Variants in PSD3 observed in about 807,000 individuals in gnomAD.
PSD3 encodes the protein pleckstrin and Sec7 domain containing 3, also known as PH and SEC7 domain-containing protein 3.
A neutral mutation model predicts 105.5 loss-of-function variants in PSD3; 49 were observed. That is an observed-to-expected ratio of 0.46 (90% CI 0.37 to 0.59). PSD3 has a LOEUF of 0.59. PSD3 is among the 20% of genes least tolerant of loss of function. The pLI is 0.00. For synonymous variants in PSD3, 557 were observed against 457.8 expected, an observed-to-expected ratio of 1.22 and a Z score of -2.77; for missense variants, 1,561 against 1,263.8, an observed-to-expected ratio of 1.24 and a Z score of -3.57.
chr8:18,875,412 G>T (rs1330226386), intron 2 of PSD3, among the ~76,000 whole-genome samples: 3 of 151,500 alleles, frequency 2.0e-5, no homozygotes, highest in Non-Finnish European at 4.4e-5. Context: ...TCCTAGGGTG[G>T]AATATTGATA....
intron 9 of PSD3, among the ~76,000 whole-genome samples, chr8:18,697,003 G>A (rs1028463473): frequency 2.5e-5 from 3 of 118,552 alleles, no homozygotes; most frequent in African/African-American, 6.4e-5. Context: ...GCCACTTTGC[G>A]GGGACAACGT....
At chr8:18,940,012 G>A (rs1266043668) in intron 1 of PSD3, 1 of 152,122 alleles carries the variant, frequency 6.6e-6, no homozygotes. Context: ...TATTTCTCAA[G>A]GTTGCTCATG....
intron 9 of PSD3, among the ~76,000 whole-genome samples, chr8:18,740,361 TCTC>T (rs927087067): frequency 7.9e-5 from 12 of 152,112 alleles, no homozygotes; most frequent in African/African-American, 2.4e-4. Context: ...CCACTTCACT[TCTC>T]CTCAATTCTG....
intron 9 of PSD3, among the ~76,000 whole-genome samples, chr8:18,691,287 T>A (rs369292073): frequency 1.7e-4 from 26 of 152,216 alleles, no homozygotes; most frequent in African/African-American, 5.3e-4. Flanking sequence ...TCATGTAAGA[T>A]GTTTTAGACC....
intron 2 of PSD3, among the ~76,000 whole-genome samples, chr8:18,899,761 T>C (rs1421574157): frequency 6.6e-6 from 1 of 152,144 alleles, no homozygotes; most frequent in African/African-American, 2.4e-5. Context: ...GCAGAAGAGT[T>C]CTTGTTGTTC....
Position 18,673,994 on chromosome 8 carries a change from T to C in PSD3, c.2173-18309A>G, listed in dbSNP as rs148775507. ...CTATCTCTACAAAAAAATTAAAAAA[T>C]GAGCTGCGCATGGTGGTGTGTGCCT... On this transcript the variant is annotated intron_variant, in intron 9 of 15. Coordinates refer to ENST00000327040, the MANE Select transcript of PSD3 (RefSeq NM_015310.4). Among the ~76,000 whole-genome samples the C allele has an allele frequency of 5.9e-3, 896 of 152,082 alleles. 3 individuals carry two copies. Among genetic ancestry groups the C allele is most frequent in the Non-Finnish European group, 8.1e-3 (551 of 67,984 alleles).
intron 9 of PSD3, among the ~76,000 whole-genome samples, chr8:18,748,906 G>C (rs566966847): frequency 6.6e-6 from 1 of 152,252 alleles, no homozygotes; most frequent in African/African-American, 2.4e-5. Flanking sequence ...TTTTCCCAAA[G>C]GCCACATTCT....
chr8:18,698,987 C>T (rs1164032268), intron 9 of PSD3, among the ~76,000 whole-genome samples: 1 of 152,224 alleles, frequency 6.6e-6, no homozygotes, highest in South Asian at 2.1e-4. Flanking sequence ...AAAGATGAAA[C>T]CCCACTCAAC....
chr8:18,574,254 G>A (rs1019477010), intron 13 of PSD3, among the ~76,000 whole-genome samples: 2 of 152,112 alleles, frequency 1.3e-5, no homozygotes, highest in South Asian at 2.1e-4. Flanking sequence ...AGCTCCTCAC[G>A]GCACCCTCTC....
intron 13 of PSD3, 43 bp downstream of exon 13, chr8:18,575,085 G>A (rs1187920583): frequency 1.9e-6 from 3 of 1,591,436 alleles, no homozygotes; most frequent in South Asian, 1.1e-5. Context: ...GTAGTGCTAA[G>A]TGAACTAAAA....
chr8:18,669,083 C>T (rs1311101330), intron 9 of PSD3, among the ~76,000 whole-genome samples: 1 of 152,216 alleles, frequency 6.6e-6, no homozygotes, highest in East Asian at 1.9e-4. Flanking sequence ...AACTTGTCTA[C>T]TCCATCTCCC....
intron 8 of PSD3, among the ~76,000 whole-genome samples, chr8:18,766,071 T>C (rs1161539090): frequency 6.6e-6 from 1 of 152,004 alleles, no homozygotes. Context: ...TCCTGACTCA[T>C]GTCTGTAATC....
At chr8:18,874,821 G>T (rs765328631) in intron 2 of PSD3, among the ~76,000 whole-genome samples, 10 of 151,184 alleles carry the variant, frequency 6.6e-5, no homozygotes, top group Non-Finnish European at 1.3e-4. Context: ...TATTGCTATT[G>T]AACACACGGT....
chr8:19,014,417 A>G (rs2129475587), upstream of PSD3: 1 of 152,310 alleles, frequency 6.6e-6, no homozygotes, highest in South Asian at 2.1e-4. This position sits in a 1 kb window ranked among gnomAD's most constrained non-coding sequence, Gnocchi z 4.9. Context: ...GGTCACTTAA[A>G]ACTGCATTTT....
At chr8:18,738,918 A>G (rs1585786536) in intron 9 of PSD3, among the ~76,000 whole-genome samples, 1 of 152,016 alleles carries the variant, frequency 6.6e-6, no homozygotes, top group East Asian at 1.9e-4. Flanking sequence ...TTGTTCTGAA[A>G]TGTACCTTTT....
intron 4 of PSD3, among the ~76,000 whole-genome samples, chr8:18,835,621 G>T (rs531172335): frequency 6.6e-6 from 1 of 152,184 alleles, no homozygotes; most frequent in African/African-American, 2.4e-5. Context: ...ATATGAAACC[G>T]TGAGAGGAAA....
intron 4 of PSD3, among the ~76,000 whole-genome samples, chr8:18,850,772 T>G (rs561651792): frequency 3.3e-4 from 51 of 152,264 alleles, no homozygotes; most frequent in African/African-American, 1.2e-3. Flanking sequence ...AGGACGCGAC[T>G]CTTCCCAAGT....
rs1384223454 is a variant in PSD3 at position 18,590,044 on chromosome 8, AAACAAC to A, written c.2481+10314_2481+10319del. Among the ~76,000 whole-genome samples the A allele has an allele frequency of 2.6e-5, 4 of 152,296 alleles. No homozygotes were observed. The South Asian group carries it at 6.2e-4, about 24-fold the overall frequency. ...GTAAAAAAACAAAAACAAGCAAAGA[AAACAAC>A]AACAACAACAATAAAAAAGCAAAAA... On this transcript the variant is annotated intron_variant, in intron 12 of 15. Transcript: ENST00000327040.
intron 1 of PSD3, among the ~76,000 whole-genome samples, chr8:18,954,941 C>G (rs997820791): frequency 6.6e-6 from 1 of 152,116 alleles, no homozygotes; most frequent in Non-Finnish European, 1.5e-5. Context: ...TTAGGATGGA[C>G]AGACGCCAAA....
Sources: gnomAD v4.1 joint callset for allele counts (sites outside exome capture counted in the v4.1 genomes callset) on GRCh38, gnomAD v4.1.1 for gene constraint, Gnocchi (gnomAD v3.1) non-coding constraint, MANE v1.5 for transcripts, NCBI Gene and HGNC (gene_info 2026-07-23, HGNC 2026-07-21) for gene names.